CDH13: variants seen among roughly 807,000 people sequenced by gnomAD.
CDH13 encodes cadherin-13.
In CDH13, 24 loss-of-function variants were observed where a neutral mutation model predicts 63.8. The observed-to-expected ratio is 0.38, with a 90% confidence interval of 0.27 to 0.53. The LOEUF (loss-of-function observed/expected upper bound fraction) is 0.53, where lower values mean the gene tolerates loss of function less well. CDH13 is among the 20% of genes least tolerant of loss of function. CDH13 has a pLI of 0.85. For synonymous variants in CDH13, 503 were observed against 355.3 expected, an observed-to-expected ratio of 1.42 and a Z score of -4.67; for missense variants, 1,049 against 903.1, an observed-to-expected ratio of 1.16 and a Z score of -2.07.
chr16:83,201,736 A>G (rs914843856), intron 4 of CDH13, among the ~76,000 whole-genome samples: 9 of 151,144 alleles, frequency 6.0e-5, no homozygotes, highest in African/African-American at 2.2e-4. Context: ...TCTCTAATAA[A>G]AAAAAATTAA....
At chr16:83,578,613 A>T (rs1905253536) in intron 7 of CDH13, among the ~76,000 whole-genome samples, 1 of 152,204 alleles carries the variant, frequency 6.6e-6, no homozygotes, top group Non-Finnish European at 1.5e-5. Context: ...CATTGACTCC[A>T]CTGATGTTTA....
At chr16:82,798,300 A>C (rs2036686951) in intron 1 of CDH13, among the ~76,000 whole-genome samples, 1 of 152,202 alleles carries the variant, frequency 6.6e-6, no homozygotes, top group African/African-American at 2.4e-5. Flanking sequence ...CACACTCAGT[A>C]AGCTAATATT....
chr16:82,782,081 C>G (rs17191840), intron 1 of CDH13, among the ~76,000 whole-genome samples: 46,946 of 152,058 alleles, frequency 0.31, 7,748 homozygotes, highest in South Asian at 0.46. Context: ...TGAAGTTCCT[C>G]CTAAAGTGCC....
chr16:82,781,605 A>G (rs935267551), intron 1 of CDH13, among the ~76,000 whole-genome samples: 5 of 151,954 alleles, frequency 3.3e-5, no homozygotes, highest in Non-Finnish European at 4.4e-5. Context: ...TCCACCTATT[A>G]ATCTATCCAT....
intron 7 of CDH13, among the ~76,000 whole-genome samples, chr16:83,558,641 C>G (rs1329489759): frequency 4.9e-4 from 75 of 151,754 alleles, no homozygotes; most frequent in Non-Finnish European, 7.4e-5. Flanking sequence ...CTTTTTTTCC[C>G]TTTTTTTTCA....
At chr16:83,538,075 G>A (rs539372109) in intron 7 of CDH13, among the ~76,000 whole-genome samples, 109 of 152,150 alleles carry the variant, frequency 7.2e-4, no homozygotes, top group African/African-American at 2.3e-3. Flanking sequence ...TTGAATATGC[G>A]CTATGTTTTT....
intron 8 of CDH13, among the ~76,000 whole-genome samples, chr16:83,610,781 G>C (rs747181290): frequency 9.2e-5 from 14 of 152,168 alleles, no homozygotes; most frequent in Non-Finnish European, 1.6e-4. Flanking sequence ...AAGTATTCTT[G>C]AATGTGTCTT....
intron 6 of CDH13, among the ~76,000 whole-genome samples, chr16:83,409,304 G>T (rs34084809): frequency 0.036 from 5,529 of 152,288 alleles, 116 homozygotes; most frequent in East Asian, 0.058. Flanking sequence ...CTGCTGCTAG[G>T]GACATTAATC....
intron 5 of CDH13, among the ~76,000 whole-genome samples, chr16:83,256,521 A>G (rs1348639990): frequency 1.3e-5 from 2 of 151,878 alleles, no homozygotes; most frequent in Admixed American, 6.6e-5. Flanking sequence ...TGAAAAGGAT[A>G]TGTTCCCTGA....
chr16:83,065,486 C>A (rs544673008), intron 3 of CDH13, among the ~76,000 whole-genome samples: 1 of 152,220 alleles, frequency 6.6e-6, no homozygotes, highest in East Asian at 1.9e-4. Context: ...GGACAGATCA[C>A]TTGAGATCAG....
At chr16:83,273,078 C>G (rs1461425424) in intron 5 of CDH13, among the ~76,000 whole-genome samples, 1 of 152,118 alleles carries the variant, frequency 6.6e-6, no homozygotes, top group Non-Finnish European at 1.5e-5. Flanking sequence ...TGGGGGGAAG[C>G]ACCACAAAGC....
At chr16:83,531,262 T>C (rs2075076833) in intron 7 of CDH13, among the ~76,000 whole-genome samples, 1 of 152,206 alleles carries the variant, frequency 6.6e-6, no homozygotes, top group African/African-American at 2.4e-5. Context: ...TATAAATCCA[T>C]TCAGCCTTTC....
At chr16:82,746,735 C>A (rs7202684) in intron 1 of CDH13, among the ~76,000 whole-genome samples, 3 of 151,662 alleles carry the variant, frequency 2.0e-5, no homozygotes, top group Admixed American at 2.0e-4. Context: ...AAACTGATTT[C>A]TTAAAATTTT....
chr16:82,807,987 C>T (rs574018826), intron 1 of CDH13, among the ~76,000 whole-genome samples: 22 of 151,984 alleles, frequency 1.4e-4, no homozygotes, highest in Non-Finnish European at 2.6e-4. Flanking sequence ...CAGAATATTC[C>T]CCAATTACAG....
Position 83,795,795 on chromosome 16 carries a change from T to C in CDH13, c.*765T>C, listed in dbSNP as rs1410457880. The C allele has an allele frequency of 6.6e-6, 1 of 152,602 alleles. No homozygotes were observed. Among genetic ancestry groups the C allele is most frequent in the Non-Finnish European group, 1.5e-5 (1 of 68,032 alleles). The allele number at this position is 152,602 out of a possible 1,614,324, so 9.5% of individuals were successfully genotyped here. A position where few individuals can be genotyped will look rare whatever the true frequency, so the allele number is the denominator to read the frequency against. Reference sequence around the variant, plus strand: ...CCAAATGCCAAGAAAAGGGCTGACATTTTCTTTCATGGGCACCAACCTGCA... The same window carrying C: ...CCAAATGCCAAGAAAAGGGCTGACACTTTCTTTCATGGGCACCAACCTGCA... On this transcript the variant is annotated 3_prime_UTR_variant, in exon 14 of 14. Transcript: ENST00000567109.
intron 1 of CDH13, among the ~76,000 whole-genome samples, chr16:82,726,808 T>C (rs1184255552): frequency 6.6e-6 from 1 of 152,196 alleles, no homozygotes; most frequent in Non-Finnish European, 1.5e-5. Context: ...TACTGTCTCA[T>C]GGAATTCTTA....
chr16:83,222,112 A>G (rs1344196600), intron 5 of CDH13, among the ~76,000 whole-genome samples: 3 of 152,160 alleles, frequency 2.0e-5, no homozygotes, highest in Non-Finnish European at 4.4e-5. Context: ...TATCACACTC[A>G]ATTCTAGAAC....
At chr16:82,774,767 C>T (rs1177119713) in intron 1 of CDH13, among the ~76,000 whole-genome samples, 10 of 152,294 alleles carry the variant, frequency 6.6e-5, no homozygotes. Context: ...GATCTCAGAG[C>T]CTGTGAGCGG....
intron 7 of CDH13, among the ~76,000 whole-genome samples, chr16:83,490,183 T>C (rs1490769057): frequency 1.3e-5 from 2 of 152,192 alleles, no homozygotes; most frequent in Non-Finnish European, 2.9e-5. Flanking sequence ...ATTTTTCATC[T>C]TTATTTTCCA....
Sources: gnomAD v4.1 joint callset for allele counts (sites outside exome capture counted in the v4.1 genomes callset) on GRCh38, gnomAD v4.1.1 for gene constraint, MANE v1.5 for transcripts, NCBI Gene and HGNC (gene_info 2026-07-23, HGNC 2026-07-21) for gene names.